Variants in GRIP1 observed in about 807,000 individuals in gnomAD.
The protein encoded by GRIP1 is glutamate receptor-interacting protein 1.
GRIP1 carries 45 observed loss-of-function variants against 129.9 expected under a neutral mutation model. That is an observed-to-expected ratio of 0.35 (90% CI 0.27 to 0.44). The LOEUF (loss-of-function observed/expected upper bound fraction) is 0.44, where lower values mean the gene tolerates loss of function less well. Ranked by LOEUF, GRIP1 falls within the 20% of genes least tolerant of loss-of-function variation. The pLI, the probability that GRIP1 is intolerant of heterozygous loss-of-function variation, is 1.00. For synonymous variants in GRIP1, 530 were observed against 520.8 expected (o/e 1.02, Z -0.24); for missense variants, 1,196 against 1,396.8 (o/e 0.86, Z 2.29).
chr12:66,736,752 T>C (rs1321086085), intron 1 of GRIP1, among the ~76,000 whole-genome samples: 2 of 152,236 alleles, frequency 1.3e-5, no homozygotes, highest in South Asian at 2.1e-4. Flanking sequence ...AAAAAAGTTA[T>C]ATGAAAAATT....
intron 1 of GRIP1, among the ~76,000 whole-genome samples, chr12:66,887,812 A>C (rs1307295966): frequency 7.2e-5 from 11 of 152,206 alleles, no homozygotes; most frequent in Admixed American, 1.3e-4. Flanking sequence ...CCTTAGCCAG[A>C]GAAGATATTT....
intron 1 of GRIP1, among the ~76,000 whole-genome samples, chr12:66,678,294 G>C (rs556565176): frequency 1.3e-5 from 2 of 152,084 alleles, no homozygotes; most frequent in African/African-American, 4.8e-5. Context: ...TAAACTTCTA[G>C]TATTACATAG....
At chr12:66,802,262 T>C (rs1268851071) in intron 1 of GRIP1, among the ~76,000 whole-genome samples, 1 of 152,138 alleles carries the variant, frequency 6.6e-6, no homozygotes, top group Non-Finnish European at 1.5e-5. Context: ...TGCAACTAAC[T>C]CCACAAGTTA....
chr12:66,372,182 C>T (rs375285296), intron 22 of GRIP1: 51 of 569,090 alleles, frequency 9.0e-5, no homozygotes, highest in East Asian at 6.0e-4. Flanking sequence ...AATACCACCC[C>T]TGGCAGTTTT....
chr12:66,653,624 T>C (rs1730329756), intron 1 of GRIP1, among the ~76,000 whole-genome samples: 1 of 152,180 alleles, frequency 6.6e-6, no homozygotes, highest in Non-Finnish European at 1.5e-5. Context: ...TGACGCACAC[T>C]AGACTAGGAA....
chr12:66,828,035 G>A (rs2039449767), intron 1 of GRIP1, among the ~76,000 whole-genome samples: 1 of 152,104 alleles, frequency 6.6e-6, no homozygotes, highest in South Asian at 2.1e-4. Context: ...GTCAAATCCT[G>A]GACTTGCCCT....
chr12:66,958,442 TTGAA>T (rs2041875180), intron 1 of GRIP1, among the ~76,000 whole-genome samples: 1 of 152,196 alleles, frequency 6.6e-6, no homozygotes, highest in Non-Finnish European at 1.5e-5. Flanking sequence ...TTTTTCGATT[TTGAA>T]GACTTTCTTA....
rs201508790 is a variant in GRIP1 at position 66,353,578 on chromosome 12, T to C, written c.3013-15A>G. On this transcript the variant is annotated splice_polypyrimidine_tract_variant and intron_variant, in intron 23 of 24. Transcript: ENST00000359742. ...TACAAGGTCACCTGAAGAGAGAAAA[T>C]GGGATGTGAATATTTAGCTGGGGTG... is the stretch of plus-strand genomic sequence containing the variant. 3 of 1,613,192 alleles carry C rather than the reference T, an allele frequency of 1.9e-6. No individual in the cohort carries two copies. Among genetic ancestry groups the C allele is most frequent in the Non-Finnish European group, 1.7e-6 (2 of 1,179,154 alleles).
upstream of GRIP1, among the ~76,000 whole-genome samples, chr12:66,683,879 C>A (rs1296632448): frequency 1.3e-5 from 2 of 152,162 alleles, no homozygotes; most frequent in Non-Finnish European, 2.9e-5. Flanking sequence ...AATCATCCTC[C>A]TAAGAGCCTA....
chr12:66,720,749 C>T (rs1213416716), intron 1 of GRIP1, among the ~76,000 whole-genome samples: 7 of 152,086 alleles, frequency 4.6e-5, no homozygotes, highest in Non-Finnish European at 1.0e-4. Context: ...TATCTTTAGG[C>T]TTCCCTTCTG....
intron 1 of GRIP1, among the ~76,000 whole-genome samples, chr12:66,623,246 C>T (rs1055873500): frequency 1.3e-5 from 2 of 152,138 alleles, no homozygotes; most frequent in African/African-American, 4.8e-5. Flanking sequence ...CTTCAATGAA[C>T]TTTATTTCAT....
At chr12:66,420,881 G>T in intron 14 of GRIP1, 92 bp from the exon 15 acceptor site, 2 of 773,280 alleles carry the variant, frequency 2.6e-6, no homozygotes, top group East Asian at 2.5e-5. Context: ...CTTAATGCAA[G>T]TAATGTTTGT....
chr12:66,637,688 A>G (rs2031534093), intron 1 of GRIP1, among the ~76,000 whole-genome samples: 1 of 152,118 alleles, frequency 6.6e-6, no homozygotes, highest in African/African-American at 2.4e-5. Flanking sequence ...CCAATTTTCC[A>G]TAAAGACTGC....
At chr12:66,907,890 T>A (rs2137298627) in intron 1 of GRIP1, among the ~76,000 whole-genome samples, 1 of 152,172 alleles carries the variant, frequency 6.6e-6, no homozygotes, top group Non-Finnish European at 1.5e-5. Context: ...GGAGAAAGGG[T>A]CATGCCAACC....
At chr12:66,952,048 C>A (rs1357501729) in intron 1 of GRIP1, among the ~76,000 whole-genome samples, 1 of 151,760 alleles carries the variant, frequency 6.6e-6, no homozygotes, top group East Asian at 1.9e-4. Context: ...GAGGCATAAA[C>A]AAGATGCTTT....
At chr12:66,897,512 T>TGAGGAAGGCAATCAGCC (rs1157454454) in intron 1 of GRIP1, among the ~76,000 whole-genome samples, 2 of 152,166 alleles carry the variant, frequency 1.3e-5, no homozygotes, top group African/African-American at 4.8e-5. Context: ...AGGTTACAGC[T>TGAGGAAGGCAATCAGCC]GAGGAAGGCA....
At chr12:66,948,525 T>C (rs1042409973) in intron 1 of GRIP1, among the ~76,000 whole-genome samples, 1 of 152,154 alleles carries the variant, frequency 6.6e-6, no homozygotes. Context: ...AGAAGAAGAT[T>C]ATGAGCTGCT....
At chr12:67,039,809 A>C (rs1337498545) in intron 1 of GRIP1, among the ~76,000 whole-genome samples, 1 of 152,110 alleles carries the variant, frequency 6.6e-6, no homozygotes, top group Non-Finnish European at 1.5e-5. Context: ...TCAAAACCTG[A>C]TTTGTACTCC....
chr12:66,984,398 G>T (rs991287236), intron 1 of GRIP1, among the ~76,000 whole-genome samples: 1 of 152,146 alleles, frequency 6.6e-6, no homozygotes, highest in African/African-American at 2.4e-5. Flanking sequence ...ATCAGTTGTG[G>T]GTTGATTGCT....
Sources: allele counts gnomAD v4.1 joint callset (sites outside exome capture counted in the v4.1 genomes callset), GRCh38; gene constraint gnomAD v4.1.1; transcripts MANE v1.5; gene names NCBI Gene and HGNC (gene_info 2026-07-23, HGNC 2026-07-21).